Variants in RCAN2 observed in about 807,000 individuals in gnomAD.
The protein encoded by RCAN2 is calcipressin-2.
A neutral mutation model predicts 23.6 loss-of-function variants in RCAN2; 9 were observed. The observed-to-expected ratio is 0.38, with a 90% CI of 0.23 to 0.67. The LOEUF is 0.67. Ranked by LOEUF, RCAN2 falls within the 30% of genes least tolerant of loss-of-function variation. The pLI is 0.51. For synonymous variants in RCAN2, 109 were observed against 115.7 expected (o/e 0.94, Z 0.37); for missense variants, 273 against 302.3 (o/e 0.90, Z 0.72).
chr6:46,426,203 G>A (rs188064817), intron 2 of RCAN2, among the ~76,000 whole-genome samples: 506 of 152,108 alleles, frequency 3.3e-3, no homozygotes, highest in Middle Eastern at 0.027. Context: ...CCAGCTGACT[G>A]ATTACTTCTT....
chr6:46,488,045 T>G (rs971216595), intron 1 of RCAN2, among the ~76,000 whole-genome samples: 5 of 152,130 alleles, frequency 3.3e-5, no homozygotes, highest in Admixed American at 2.0e-4. Flanking sequence ...GCAAATCAGG[T>G]GTAGAGCCCA....
At chr6:46,328,538 G>A (rs1763865381) in intron 2 of RCAN2, among the ~76,000 whole-genome samples, 1 of 152,160 alleles carries the variant, frequency 6.6e-6, no homozygotes, top group Non-Finnish European at 1.5e-5. Flanking sequence ...ATACAATATG[G>A]TCATTTTCCT....
chr6:46,467,951 G>T (rs995916610), intron 1 of RCAN2, among the ~76,000 whole-genome samples: 30 of 152,158 alleles, frequency 2.0e-4, no homozygotes, highest in African/African-American at 7.2e-4. Flanking sequence ...GTAGTGGCTG[G>T]CCCTGGAGTC....
intron 1 of RCAN2, among the ~76,000 whole-genome samples, chr6:46,471,014 T>C (rs1438370271): frequency 6.6e-6 from 1 of 152,242 alleles, no homozygotes; most frequent in African/African-American, 2.4e-5. Flanking sequence ...GGCTCTGGTA[T>C]AGAGCATTTG....
chr6:46,329,099 A>C (rs1400977885), intron 2 of RCAN2, among the ~76,000 whole-genome samples: 1 of 150,980 alleles, frequency 6.6e-6, no homozygotes, highest in Non-Finnish European at 1.5e-5. Flanking sequence ...TTGGTGTTCC[A>C]AAAAAAAAGA....
chr6:46,391,080 T>C (rs574476583), intron 2 of RCAN2, among the ~76,000 whole-genome samples: 20 of 152,174 alleles, frequency 1.3e-4, no homozygotes, highest in Non-Finnish European at 2.4e-4. Flanking sequence ...GCTTTGCTCA[T>C]AGCTCAGCTC....
intron 1 of RCAN2, among the ~76,000 whole-genome samples, chr6:46,485,078 C>T (rs547062385): frequency 3.3e-5 from 5 of 152,268 alleles, no homozygotes; most frequent in Admixed American, 2.6e-4. Flanking sequence ...CCAATAGTCC[C>T]ACTTCTAACA....
At chr6:46,432,198 TTTTTGTTTTG>T (rs533393364) in intron 2 of RCAN2, among the ~76,000 whole-genome samples, 3 of 152,006 alleles carry the variant, frequency 2.0e-5, no homozygotes, top group Admixed American at 6.6e-5. Context: ...TTTTGGGGGT[TTTTTGTTTTG>T]TTTTGTTTTG....
intron 2 of RCAN2, among the ~76,000 whole-genome samples, chr6:46,257,498 G>A (rs932837910): frequency 2.6e-5 from 4 of 152,270 alleles, no homozygotes; most frequent in Admixed American, 6.5e-5. Flanking sequence ...CTTAACAATC[G>A]TGGTGGAAGG....
chr6:46,312,335 G>A (rs186663858), intron 2 of RCAN2, among the ~76,000 whole-genome samples: 39 of 152,270 alleles, frequency 2.6e-4, no homozygotes, highest in East Asian at 5.8e-4. Context: ...CTCAGGAGGT[G>A]CCTAGAATAT....
chr6:46,401,967 G>C (rs1766259109), intron 2 of RCAN2, among the ~76,000 whole-genome samples: 1 of 152,216 alleles, frequency 6.6e-6, no homozygotes, highest in African/African-American at 2.4e-5. Context: ...AGGCCTGGAT[G>C]CAAAGCCCAT....
At chr6:46,229,342 C>A (rs1228317177) in intron 4 of RCAN2, among the ~76,000 whole-genome samples, 1 of 152,196 alleles carries the variant, frequency 6.6e-6, no homozygotes, top group Non-Finnish European at 1.5e-5. Context: ...GGAAGTTCTC[C>A]TGGCTGATAT....
chr6:46,308,792 G>A (rs1297672656), intron 2 of RCAN2, among the ~76,000 whole-genome samples: 1 of 152,072 alleles, frequency 6.6e-6, no homozygotes, highest in Non-Finnish European at 1.5e-5. Context: ...AGTAGTAATA[G>A]GAAAGTAGTT....
rs1432536781 is a variant in RCAN2 at position 46,221,102 on chromosome 6, A to G, written c.*2039T>C. On this transcript the variant is annotated 3_prime_UTR_variant, in exon 5 of 5. Coordinates refer to ENST00000371374, the MANE Select transcript of RCAN2 (RefSeq NM_001251974.2). ...ACTAACTCCAGAGGCCATACACTTC[A>G]TTGTGTTTCTTTTATGACTACACAG... 1 of 152,452 alleles carries G rather than the reference A, an allele frequency of 6.6e-6. No individual in the cohort carries two copies. Among genetic ancestry groups the G allele is most frequent in the Non-Finnish European group, 1.5e-5 (1 of 68,026 alleles). 9.4% of individuals were successfully genotyped at this position (152,452 alleles called of 1,614,324 possible). A position where few individuals can be genotyped will look rare whatever the true frequency, so the allele number is the denominator to read the frequency against.
intron 4 of RCAN2, among the ~76,000 whole-genome samples, chr6:46,237,567 G>C (rs999930051): frequency 4.6e-5 from 7 of 152,138 alleles, no homozygotes; most frequent in Admixed American, 3.3e-4. Context: ...TGTTCCCTCT[G>C]TGTTCTCTCC....
chr6:46,453,032 T>C (rs909675341), intron 2 of RCAN2, among the ~76,000 whole-genome samples: 2 of 152,194 alleles, frequency 1.3e-5, no homozygotes, highest in South Asian at 4.1e-4. Flanking sequence ...TAGCAAGCAG[T>C]GCATTCCAAT....
chr6:46,301,113 T>C (rs143467063), intron 2 of RCAN2, among the ~76,000 whole-genome samples: 2 of 152,154 alleles, frequency 1.3e-5, no homozygotes, highest in Non-Finnish European at 2.9e-5. Flanking sequence ...ATTCCAACAC[T>C]AGTGCTAAAA....
At chr6:46,441,890 C>G (rs1767556146) in intron 2 of RCAN2, among the ~76,000 whole-genome samples, 1 of 152,094 alleles carries the variant, frequency 6.6e-6, no homozygotes, top group Admixed American at 6.5e-5. Context: ...ACTAATAACC[C>G]CACTCTCACA....
At chr6:46,424,936 A>G (rs1766993224) in intron 2 of RCAN2, among the ~76,000 whole-genome samples, 1 of 152,214 alleles carries the variant, frequency 6.6e-6, no homozygotes, top group African/African-American at 2.4e-5. Context: ...TGGTGAACAA[A>G]GCAGTCAAAA....
Sources: gnomAD v4.1 joint callset for allele counts (sites outside exome capture counted in the v4.1 genomes callset) on GRCh38, gnomAD v4.1.1 for gene constraint, MANE v1.5 for transcripts, NCBI Gene and HGNC (gene_info 2026-07-23, HGNC 2026-07-21) for gene names.